SLC3A2: variants seen among roughly 807,000 people sequenced by gnomAD.
SLC3A2 encodes the protein solute carrier family 3 member 2.
In SLC3A2, 32 loss-of-function variants were observed where a neutral mutation model predicts 48.5. The ratio of observed to expected loss-of-function variants is 0.66; its 90% CI spans 0.50 to 0.89. SLC3A2 has a LOEUF of 0.89. SLC3A2 is among the 40% of genes least tolerant of loss of function. SLC3A2 has a pLI of 0.00. For missense variants in SLC3A2, 587 were observed against 680.7 expected (o/e 0.86, Z 1.53); for synonymous variants, 277 against 288.8 (o/e 0.96, Z 0.41).
chr11:62,856,345 G>C (rs1369369216), exon 1 of SLC3A2: 16 of 1,613,022 alleles, frequency 9.9e-6, no homozygotes, highest in African/African-American at 1.3e-5. Flanking sequence ...ACATTCGGAG[G>C]CTGGTGTCCA....
chr11:62,867,293 A>G (rs1345055454), intron 1 of SLC3A2, among the ~76,000 whole-genome samples: 1 of 63,012 alleles, frequency 1.6e-5, no homozygotes, highest in South Asian at 4.9e-4. Context: ...TGCCTGGCCT[A>G]TTTCCCTTTA....
intron 7 of SLC3A2, 57 bp from the exon 8 acceptor site, chr11:62,888,078 T>C: frequency 1.4e-6 from 2 of 1,480,854 alleles, no homozygotes; most frequent in Non-Finnish European, 1.9e-6. Context: ...ATTACAGATG[T>C]GAGCCACCAT....
chr11:62,888,293 C>A, intron 8 of SLC3A2, 38 bp from the exon 9 acceptor site: 1 of 1,608,706 alleles, frequency 6.2e-7, no homozygotes, highest in South Asian at 1.1e-5. Flanking sequence ...CCCAGGGGAG[C>A]CCCTCACACG....
intron 2 of SLC3A2, 98 bp downstream of exon 2, chr11:62,882,164 G>C (rs1300543623): frequency 1.4e-6 from 2 of 1,431,668 alleles, no homozygotes; most frequent in African/African-American, 2.8e-5. Flanking sequence ...AACTGGCTCT[G>C]AGTTTTCCTA....
chr11:62,884,745 GA>G, intron 5 of SLC3A2, 55 bp downstream of exon 5: 1 of 1,453,836 alleles, frequency 6.9e-7, no homozygotes, highest in Non-Finnish European at 9.3e-7. Context: ...CCCCTCAGTG[GA>G]GTGCTAGGCC....
At chr11:62,870,519 G>A in intron 1 of SLC3A2, among the ~76,000 whole-genome samples, 1 of 151,954 alleles carries the variant, frequency 6.6e-6, no homozygotes, top group South Asian at 2.1e-4. Flanking sequence ...TGTGATTGGT[G>A]TGAAGTAGTG....
At chr11:62,864,779 T>C (rs1214353977) in intron 1 of SLC3A2, among the ~76,000 whole-genome samples, 1 of 150,102 alleles carries the variant, frequency 6.7e-6, no homozygotes, top group Non-Finnish European at 1.5e-5. Context: ...AATTTTTTTT[T>C]TTGTTTTGAG....
chr11:62,867,155 TA>T (rs1242043926), intron 1 of SLC3A2, among the ~76,000 whole-genome samples: 1 of 151,622 alleles, frequency 6.6e-6, no homozygotes, highest in African/African-American at 2.4e-5. Context: ...CACGCCCAGC[TA>T]ATTTTTTGTA....
chr11:62,880,622 A>C (rs2085620464), upstream of SLC3A2: 3 of 172,234 alleles, frequency 1.7e-5, no homozygotes, highest in African/African-American at 7.2e-5. Context: ...AGGACACTGG[A>C]GGGGCCTCGG....
rs774064186 is a variant in SLC3A2 at position 62,884,495 on chromosome 11, G to A, written c.729G>A (p.Gly243=). The part of the protein sequence containing the change: ...LEFWLQAGVD[G]FQVRDIENLK... ...TTTGGCTGCAAGCTGGCGTGGATGG[G>A]TTCCAGGTTCGGGACATAGAGAATC... The change falls in exon 4 of 9, where the codon GGG becomes GGA. Residue 243 remains glycine (G), a synonymous_variant. Transcript: ENST00000338663. 2 of 1,614,172 alleles carry A rather than the reference G, an allele frequency of 1.2e-6. No homozygotes were observed. Among genetic ancestry groups the A allele is most frequent in the Non-Finnish European group, 1.7e-6 (2 of 1,180,034 alleles).
intron 1 of SLC3A2, among the ~76,000 whole-genome samples, chr11:62,865,722 T>G (rs993284921): frequency 6.6e-6 from 1 of 152,052 alleles, no homozygotes; most frequent in African/African-American, 2.4e-5. Flanking sequence ...TATCCGCATA[T>G]TTTTCCCCTA....
intron 1 of SLC3A2, among the ~76,000 whole-genome samples, chr11:62,870,469 C>A (rs2085499676): frequency 6.6e-6 from 1 of 152,016 alleles, no homozygotes; most frequent in Non-Finnish European, 1.5e-5. Context: ...CAGGTGTGAG[C>A]CACCGCGCCT....
In SLC3A2 at chr11:62,888,424, C is replaced by T; in HGVS notation, c.1321C>T (p.His441Tyr). ...KERSLLHGDF[H>Y]AFSAGPGLFS... is the part of the protein sequence containing the mutation. Reference sequence around the variant, plus strand: ...GCGCTCCCTACTGCATGGGGACTTCCACGCGTTCTCCGCTGGGCCTGGACT... The same window carrying T: ...GCGCTCCCTACTGCATGGGGACTTCTACGCGTTCTCCGCTGGGCCTGGACT... The change falls in exon 9 of 9, where the codon CAC (histidine) becomes TAC (tyrosine). Residue 441 changes from histidine (H) to tyrosine (Y), a missense_variant. Coordinates refer to ENST00000338663, the MANE Select transcript of SLC3A2 (RefSeq NM_001013251.3). The T allele has an allele frequency of 6.2e-7, 1 of 1,614,234 alleles. No individual in the cohort carries two copies. Among genetic ancestry groups the T allele is most frequent in the Non-Finnish European group, 8.5e-7 (1 of 1,180,030 alleles).
Position 62,884,462 on chromosome 11 carries a change from T to C in SLC3A2, c.696T>C (p.Ala232=), listed in dbSNP as rs2085680304. ...TATTCTTCTGCCCCCTATAGGATGC[T>C]CTGGAGTTTTGGCTGCAAGCTGGCG... The part of the protein sequence containing the change: ...VDTVATKVKD[A]LEFWLQAGVD... Residue 232 remains alanine (A), a synonymous_variant, in exon 4 of 9, where the codon GCT becomes GCC. Transcript: ENST00000338663. The C allele has an allele frequency of 6.2e-7, 1 of 1,614,084 alleles. No homozygotes were observed.
At chr11:62,880,856 C>T, upstream of SLC3A2, 1 of 1,383,186 alleles carries the variant, frequency 7.2e-7, no homozygotes. Context: ...CGGGGCGGGG[C>T]TCCGCTGCCC....
intron 1 of SLC3A2, among the ~76,000 whole-genome samples, chr11:62,860,455 CAAAA>C (rs775568814): frequency 9.4e-6 from 1 of 106,122 alleles, no homozygotes; most frequent in Non-Finnish European, 2.0e-5. Context: ...GACTCTGTCT[CAAAA>C]AAAAAAAAAA....
intron 2 of SLC3A2, 44 bp downstream of exon 2, chr11:62,882,110 G>C: frequency 6.2e-7 from 1 of 1,608,602 alleles, no homozygotes; most frequent in Non-Finnish European, 8.5e-7. Context: ...GAAAGGACTT[G>C]GCCAGAGGAA....
upstream of SLC3A2, among the ~76,000 whole-genome samples, chr11:62,879,837 A>G (rs1415061597): frequency 6.6e-6 from 1 of 152,104 alleles, no homozygotes; most frequent in African/African-American, 2.4e-5. Flanking sequence ...CCTGCTGTGA[A>G]CCCTGTCTCT....
chr11:62,871,784 A>G lies in SLC3A2; in HGVS notation c.113-9235A>G, dbSNP rs1299162646. The G allele has an allele frequency of 1.5e-5, 6 of 390,074 alleles. No individual in the cohort carries two copies. In the South Asian group the frequency reaches 2.5e-4, roughly 16 times the overall value. The allele number at this position is 390,074 out of a possible 1,614,324, so 24.2% of individuals were successfully genotyped here. On this transcript the variant is annotated intron_variant, in intron 1 of 9. Transcript: ENST00000377889. ...TATTCTCTGCCCTTTTCTCTTGCAC[A>G]TGAATTATAGAGTCATCTTACAAAG...
Sources: gnomAD v4.1 joint callset for allele counts (sites outside exome capture counted in the v4.1 genomes callset) on GRCh38, gnomAD v4.1.1 for gene constraint, MANE v1.5 for transcripts, NCBI Gene and HGNC (gene_info 2026-07-23, HGNC 2026-07-21) for gene names.